FAM171A1: variants seen among roughly 807,000 people sequenced by gnomAD.
FAM171A1 encodes the protein family with sequence similarity 171 member A1.
A neutral mutation model predicts 74.9 loss-of-function variants in FAM171A1; 23 were observed. The ratio of observed to expected loss-of-function variants is 0.31; its 90% CI spans 0.22 to 0.44. FAM171A1 has a LOEUF of 0.44. Among genes scored for constraint, FAM171A1 ranks in the 20% least tolerant of loss-of-function variants. The pLI is 1.00. For synonymous variants in FAM171A1, 527 were observed against 505.7 expected, an observed-to-expected ratio of 1.04 and a Z score of -0.57; for missense variants, 1,162 against 1,159.2, an observed-to-expected ratio of 1.00 and a Z score of -0.03.
At chr10:15,216,729 A>G (rs1833971798) in intron 6 of FAM171A1, among the ~76,000 whole-genome samples, 1 of 152,002 alleles carries the variant, frequency 6.6e-6, no homozygotes, top group Non-Finnish European at 1.5e-5. Context: ...CACTGTGCCC[A>G]GCCATATGAT....
chr10:15,252,103 G>A (rs1334983906), intron 4 of FAM171A1, among the ~76,000 whole-genome samples: 1 of 152,192 alleles, frequency 6.6e-6, no homozygotes, highest in African/African-American at 2.4e-5. Context: ...TCTTCCTGGA[G>A]TTATTAGTGA....
intron 1 of FAM171A1, among the ~76,000 whole-genome samples, chr10:15,345,020 C>CATA (rs1462822997): frequency 6.6e-6 from 1 of 152,236 alleles, no homozygotes; most frequent in Non-Finnish European, 1.5e-5. Context: ...CACCTTGCGT[C>CATA]ATACACGCAC....
chr10:15,319,001 C>A (rs1416524789), intron 1 of FAM171A1, among the ~76,000 whole-genome samples: 1 of 152,216 alleles, frequency 6.6e-6, no homozygotes, highest in African/African-American at 2.4e-5. Flanking sequence ...ACCACAAAGT[C>A]ACCAGTGTGA....
intron 1 of FAM171A1, among the ~76,000 whole-genome samples, chr10:15,363,204 G>A (rs923539355): frequency 5.3e-5 from 8 of 152,210 alleles, no homozygotes; most frequent in Admixed American, 1.3e-4. Context: ...CATGGAGGTC[G>A]TAAAGGCCGG....
intron 5 of FAM171A1, among the ~76,000 whole-genome samples, chr10:15,238,016 T>A (rs767177073): frequency 6.6e-6 from 1 of 152,228 alleles, no homozygotes; most frequent in South Asian, 2.1e-4. Context: ...AACTACGGCA[T>A]CTATTCTTTT....
chr10:15,271,744 A>G (rs934626230), intron 3 of FAM171A1, among the ~76,000 whole-genome samples: 15 of 152,214 alleles, frequency 9.9e-5, no homozygotes, highest in African/African-American at 3.1e-4. Flanking sequence ...ATTCTTAAAG[A>G]AAAGAATTTT....
chr10:15,214,439 G>A lies in FAM171A1; in HGVS notation c.1149C>T (p.Gly383=). Residue 383 remains glycine, a synonymous_variant, in exon 8 of 8, where the codon GGC becomes GGT. Transcript: ENST00000378116. ...FPGPLSVTSH[G]RPEAPGTKEL... ...CCTTCGTGCCGGGGGCCTCGGGGCG[G>A]CCGTGGCTGGTGACGGACAGCGGGC... The A allele has an allele frequency of 6.2e-7, 1 of 1,614,152 alleles. No individual in the cohort carries two copies. The highest frequency in any genetic ancestry group is 8.5e-7 in the Non-Finnish European group (1 of 1,180,042).
intron 1 of FAM171A1, among the ~76,000 whole-genome samples, chr10:15,290,319 C>G: frequency 6.6e-6 from 1 of 152,148 alleles, no homozygotes; most frequent in Non-Finnish European, 1.5e-5. Context: ...TCGGCTCCTC[C>G]TTCCTGTTCC....
chr10:15,286,003 A>G (rs555131645), intron 1 of FAM171A1, among the ~76,000 whole-genome samples: 42 of 152,316 alleles, frequency 2.8e-4, no homozygotes, highest in Admixed American at 7.8e-4. Context: ...TGGGCAGTTT[A>G]TTTATCATCT....
intron 1 of FAM171A1, among the ~76,000 whole-genome samples, chr10:15,339,749 T>A (rs1180570585): frequency 1.3e-5 from 2 of 152,184 alleles, no homozygotes; most frequent in African/African-American, 4.8e-5. Flanking sequence ...ATGCTCCCTG[T>A]ATTCGTCTGC....
At chr10:15,314,954 G>C (rs1489253057) in intron 1 of FAM171A1, among the ~76,000 whole-genome samples, 3 of 151,550 alleles carry the variant, frequency 2.0e-5, no homozygotes, top group Non-Finnish European at 2.9e-5. Context: ...CTGAGTTTCA[G>C]CTGAGCCTAG....
chr10:15,335,351 C>T (rs1370218325), intron 1 of FAM171A1, among the ~76,000 whole-genome samples: 1 of 152,152 alleles, frequency 6.6e-6, no homozygotes, highest in African/African-American at 2.4e-5. Context: ...AACAAGTTAC[C>T]TCATTTTAAC....
chr10:15,255,595 T>C (rs953540436), intron 3 of FAM171A1, among the ~76,000 whole-genome samples: 3 of 152,164 alleles, frequency 2.0e-5, no homozygotes, highest in African/African-American at 7.2e-5. Context: ...CCTAGACAGT[T>C]GGTTGTGCCG....
At chr10:15,342,737 A>T (rs1835778904) in intron 1 of FAM171A1, among the ~76,000 whole-genome samples, 1 of 152,244 alleles carries the variant, frequency 6.6e-6, no homozygotes, top group African/African-American at 2.4e-5. Flanking sequence ...AAGACTAGTG[A>T]CAAAGAGAAA....
chr10:15,215,372 A>T (rs962280246), intron 7 of FAM171A1, among the ~76,000 whole-genome samples: 2 of 148,958 alleles, frequency 1.3e-5, no homozygotes, highest in African/African-American at 4.9e-5. Flanking sequence ...AATAAGAATA[A>T]TTTTTTTTTT....
chr10:15,245,900 A>G (rs1834427148), intron 5 of FAM171A1, among the ~76,000 whole-genome samples: 1 of 152,266 alleles, frequency 6.6e-6, no homozygotes, highest in Non-Finnish European at 1.5e-5. Flanking sequence ...TTCAGGAAAC[A>G]AAACACAAAC....
At chr10:15,298,138 CTTTTT>C (rs989065558) in intron 1 of FAM171A1, among the ~76,000 whole-genome samples, 1 of 146,882 alleles carries the variant, frequency 6.8e-6, no homozygotes, top group African/African-American at 2.5e-5. Context: ...TTTTCTTTTT[CTTTTT>C]TGAGATGGAG....
At chr10:15,369,623 A>G (rs1285429234) in intron 1 of FAM171A1, among the ~76,000 whole-genome samples, 2 of 152,246 alleles carry the variant, frequency 1.3e-5, no homozygotes, top group Non-Finnish European at 2.9e-5. Flanking sequence ...TGCAAGTGCC[A>G]GAATATGAAA....
intron 1 of FAM171A1, among the ~76,000 whole-genome samples, chr10:15,327,082 A>G (rs1398893246): frequency 6.6e-6 from 1 of 152,196 alleles, no homozygotes; most frequent in Non-Finnish European, 1.5e-5. Context: ...TTTTAGATCA[A>G]GCATTCCCTT....
Sources: gnomAD v4.1 joint callset for allele counts (sites outside exome capture counted in the v4.1 genomes callset) on GRCh38, gnomAD v4.1.1 for gene constraint, MANE v1.5 for transcripts, NCBI Gene and HGNC (gene_info 2026-07-23, HGNC 2026-07-21) for gene names.